Variants in LIPH observed in about 807,000 individuals in gnomAD.
LIPH encodes lipase H.
In LIPH, 32 loss-of-function variants were observed where a neutral mutation model predicts 47.6. That is an observed-to-expected ratio of 0.67 (90% confidence interval 0.51 to 0.90). LIPH has a LOEUF of 0.90. Among genes scored for constraint, LIPH ranks in the 40% least tolerant of loss-of-function variants. The pLI is 0.00. For synonymous variants in LIPH, 190 were observed against 195.6 expected (o/e 0.97, Z 0.24); for missense variants, 497 against 541.4 (o/e 0.92, Z 0.81).
intron 1 of LIPH, among the ~76,000 whole-genome samples, chr3:185,544,428 A>G (rs1395937767): frequency 5.3e-5 from 8 of 151,686 alleles, no homozygotes. Context: ...ATCTCCGCTC[A>G]CTGCAAACTC....
At position 185,508,309 on chromosome 3, in the gene LIPH, T is replaced by G. The variant is rs2148944204; in HGVS notation, c.*481A>C. The stretch of plus-strand genomic sequence containing the variant: ...GATTTCAAAAAACCCTTCATAGATT[T>G]TTGCCTCCCAAACCCACACAGCAGC... On this transcript the variant is annotated 3_prime_UTR_variant, in exon 10 of 10. Transcript: ENST00000296252. 5.9e-6 allele frequency: 1 copy of G among 168,746 alleles called. No individual in the cohort carries two copies. The highest frequency in any genetic ancestry group is 2.4e-5 in the African/African-American group (1 of 42,024). 10.5% of individuals were successfully genotyped at this position (168,746 alleles called of 1,614,324 possible). A position where few individuals can be genotyped will look rare whatever the true frequency, so the allele number is the denominator to read the frequency against.
intron 5 of LIPH, among the ~76,000 whole-genome samples, chr3:185,522,649 A>AAAGAAAGAAAG (rs55836109): frequency 4.2e-4 from 39 of 92,066 alleles, no homozygotes; most frequent in South Asian, 1.2e-3. Context: ...AGAGAGAAAG[A>AAAGAAAGAAAG]AAAAGAAAGA....
chr3:185,547,967 G>A (rs951683312), intron 1 of LIPH, among the ~76,000 whole-genome samples: 2 of 152,266 alleles, frequency 1.3e-5, no homozygotes, highest in East Asian at 1.9e-4. Flanking sequence ...CGTTGATGCC[G>A]TTGATGCCAA....
At chr3:185,510,109 A>G (rs1004035156) in intron 9 of LIPH, among the ~76,000 whole-genome samples, 6 of 151,862 alleles carry the variant, frequency 4.0e-5, no homozygotes, top group Non-Finnish European at 5.9e-5. Context: ...ACCACTGCCC[A>G]GCTAATTTTT....
intron 4 of LIPH, among the ~76,000 whole-genome samples, chr3:185,524,770 C>T (rs1720016027): frequency 6.6e-6 from 1 of 152,118 alleles, no homozygotes; most frequent in Admixed American, 6.6e-5. Context: ...TTATGTTTTG[C>T]TGCAACCCTT....
At chr3:185,524,304 T>C in intron 4 of LIPH, 144 bp from the exon 5 acceptor site, 1 of 654,252 alleles carries the variant, frequency 1.5e-6, no homozygotes. Context: ...TTGCCCAAAG[T>C]CACCCAGCTA....
At chr3:185,539,839 T>C (rs534192396) in intron 1 of LIPH, among the ~76,000 whole-genome samples, 1 of 152,228 alleles carries the variant, frequency 6.6e-6, no homozygotes. Flanking sequence ...GAGAAACTTC[T>C]GGAGGAAGCA....
intron 5 of LIPH, 81 bp from the exon 6 acceptor site, chr3:185,519,390 A>T: frequency 1.2e-6 from 1 of 859,834 alleles, no homozygotes. Context: ...ATACACACAC[A>T]ATTTCTCATC....
chr3:185,532,983 G>C (rs995508856), intron 3 of LIPH, among the ~76,000 whole-genome samples: 4 of 152,142 alleles, frequency 2.6e-5, no homozygotes, highest in Non-Finnish European at 5.9e-5. Flanking sequence ...TGGGAAAGGA[G>C]AAATGGGAGA....
At chr3:185,529,964 A>G (rs1358685612) in intron 3 of LIPH, among the ~76,000 whole-genome samples, 54 of 56,180 alleles carry the variant, frequency 9.6e-4, no homozygotes, top group African/African-American at 3.0e-3. Flanking sequence ...GAAAGAAAGA[A>G]GGAAAGAAAG....
At chr3:185,525,024 G>A (rs1222596701) in intron 4 of LIPH, among the ~76,000 whole-genome samples, 1 of 151,950 alleles carries the variant, frequency 6.6e-6, no homozygotes, top group Non-Finnish European at 1.5e-5. Flanking sequence ...AGGCCAGCCT[G>A]GGCAAAATGG....
intron 5 of LIPH, among the ~76,000 whole-genome samples, chr3:185,521,515 A>T (rs1481851856): frequency 6.6e-6 from 1 of 151,972 alleles, no homozygotes; most frequent in African/African-American, 2.4e-5. Flanking sequence ...ACTGCCAAAA[A>T]CTCAAGAGCA....
chr3:185,534,705 G>C, intron 2 of LIPH, 60 bp downstream of exon 2: 1 of 1,575,780 alleles, frequency 6.3e-7, no homozygotes, highest in East Asian at 2.2e-5. Flanking sequence ...TTGGCTTTAA[G>C]CCCTCAGATA....
At chr3:185,513,709 G>A (rs943445906) in intron 8 of LIPH, among the ~76,000 whole-genome samples, 1 of 152,006 alleles carries the variant, frequency 6.6e-6, no homozygotes, top group African/African-American at 2.4e-5. Context: ...AACAAAATGT[G>A]GTATATGCAT....
chr3:185,509,799 T>G (rs559807362), intron 9 of LIPH, among the ~76,000 whole-genome samples: 3 of 152,272 alleles, frequency 2.0e-5, no homozygotes, highest in East Asian at 3.9e-4. Context: ...TTTCTGTACT[T>G]TCTAGATTTT....
intron 1 of LIPH, among the ~76,000 whole-genome samples, chr3:185,545,757 T>G (rs967535817): frequency 1.3e-5 from 2 of 152,166 alleles, no homozygotes; most frequent in Admixed American, 1.3e-4. Flanking sequence ...GCATGAGTTT[T>G]GGAGTCAGAC....
At chr3:185,514,248 G>A (rs1464791956) in intron 8 of LIPH, among the ~76,000 whole-genome samples, 162 bp downstream of exon 8, 4 of 152,146 alleles carry the variant, frequency 2.6e-5, no homozygotes, top group Admixed American at 2.6e-4. Context: ...GACCCTGGGA[G>A]ATCAAGAACC....
chr3:185,535,002 T>C lies in LIPH; in HGVS notation c.180A>G (p.Ser60=), dbSNP rs761010043. 5 of 1,613,752 alleles carry C rather than the reference T, an allele frequency of 3.1e-6. No individual in the cohort carries two copies. The African/African-American group carries it at 5.3e-5, about 17-fold the overall frequency. The change falls in exon 2 of 10, where the codon TCA becomes TCG. Residue 60 remains serine (S), a synonymous_variant. Coordinates refer to ENST00000296252, the MANE Select transcript of LIPH (RefSeq NM_139248.3). ...NLTCAQTINS[S]AFGNLNVTKK... ...TGGTCACATTCAAGTTCCCAAAAGC[T>C]GAGGAGTTGATGGTTTGTGCGCAGG...
intron 2 of LIPH, among the ~76,000 whole-genome samples, chr3:185,534,317 C>T (rs1720433890): frequency 1.3e-5 from 2 of 151,746 alleles, no homozygotes; most frequent in Non-Finnish European, 1.5e-5. Context: ...AATCACACCA[C>T]TGCACTCCAG....
Sources: allele counts gnomAD v4.1 joint callset (sites outside exome capture counted in the v4.1 genomes callset), GRCh38; gene constraint gnomAD v4.1.1; transcripts MANE v1.5; gene names NCBI Gene and HGNC (gene_info 2026-07-23, HGNC 2026-07-21).